Variants in NECAB2 observed in about 807,000 individuals in gnomAD.
NECAB2 encodes the protein N-terminal EF-hand calcium-binding protein 2.
Under a neutral mutation model 51.9 loss-of-function variants are expected in NECAB2, and 68 were observed. The ratio of observed to expected loss-of-function variants is 1.31; its 90% confidence interval spans 1.08 to 1.60. The LOEUF (loss-of-function observed/expected upper bound fraction) is 1.60. Ranked by LOEUF, NECAB2 falls within the 40% of genes most tolerant of loss-of-function variation. NECAB2 has a pLI of 0.00. For missense variants in NECAB2, 854 were observed against 490.3 expected, an observed-to-expected ratio of 1.74 and a Z score of -7.00; for synonymous variants, 329 against 203.5, an observed-to-expected ratio of 1.62 and a Z score of -5.25.
intron 1 of NECAB2, among the ~76,000 whole-genome samples, chr16:83,970,407 G>T (rs1182858699): frequency 1.3e-5 from 2 of 152,182 alleles, no homozygotes; most frequent in East Asian, 1.9e-4. Flanking sequence ...GGGCTGCGGG[G>T]TGCCCAGGCT....
chr16:83,968,333 G>A lies in NECAB2; in HGVS notation c.-316G>A, dbSNP rs1200191413. ...GAGCAGGCCCCAGGGGCGCCGCCCC[G>A]CCCCCAGGCCCCACATACCCCTCCC... On this transcript the variant is annotated 5_prime_UTR_variant, in exon 1 of 13. Transcript: ENST00000305202. Among the ~76,000 whole-genome samples the A allele has an allele frequency of 1.3e-5, 2 of 150,468 alleles. No individual in the cohort carries two copies. Among genetic ancestry groups the A allele is most frequent in the African/African-American group, 2.4e-5 (1 of 41,134 alleles).
chr16:83,980,805 C>CTCTG (rs1218043634), intron 3 of NECAB2, 34 bp from the exon 4 acceptor site: 1 of 1,559,298 alleles, frequency 6.4e-7, no homozygotes, highest in Admixed American at 1.9e-5. Context: ...CCCTCTCTGT[C>CTCTG]TCTGTCTGTC....
At position 83,997,215 on chromosome 16, in the gene NECAB2, G is replaced by C; in HGVS notation, c.796-1G>C. 1 of 1,614,132 alleles carries C rather than the reference G, an allele frequency of 6.2e-7. No homozygotes were observed. Among genetic ancestry groups the C allele is most frequent in the Non-Finnish European group, 8.5e-7 (1 of 1,180,020 alleles). On this transcript the variant is annotated splice_acceptor_variant, in intron 8 of 12. Transcript: ENST00000305202. LOFTEE classifies it high-confidence loss of function. The stretch of plus-strand genomic sequence containing the variant: ...CATCACTGTGTGCTGGATTGTTTCA[G>C]GCACTGTGGTTCGACCTGCAGCAGC...
At chr16:83,966,878 T>C (rs1365198564), upstream of NECAB2, among the ~76,000 whole-genome samples, 1 of 152,130 alleles carries the variant, frequency 6.6e-6, no homozygotes, top group East Asian at 1.9e-4. Flanking sequence ...GCAGTGCAGT[T>C]TTTTTTTCTT....
upstream of NECAB2, among the ~76,000 whole-genome samples, chr16:83,967,775 GTGGATGGA>G (rs2084302924): frequency 7.0e-6 from 1 of 143,366 alleles, no homozygotes; most frequent in Non-Finnish European, 1.5e-5. Context: ...TGGATGGAGG[GTGGATGGA>G]TGGATGCCAG....
intron 5 of NECAB2, among the ~76,000 whole-genome samples, chr16:83,982,332 T>A (rs1477208548): frequency 6.6e-6 from 1 of 152,176 alleles, no homozygotes; most frequent in Non-Finnish European, 1.5e-5. Context: ...CTGTTTTGAG[T>A]CTTGCTGTTT....
chr16:83,980,767 A>T (rs2084476669), intron 3 of NECAB2, 72 bp from the exon 4 acceptor site: 1 of 1,521,818 alleles, frequency 6.6e-7, no homozygotes, highest in African/African-American at 1.4e-5. Flanking sequence ...TGTGTTTCGC[A>T]GGCTGTGCAG....
In NECAB2 at chr16:83,995,419, C is replaced by T. The variant is rs574278642; in HGVS notation, c.795+731C>T. On this transcript the variant is annotated intron_variant, in intron 8 of 12. Transcript: ENST00000305202. ...AAATAACCTGGAGCATGGGACCCCT[C>T]CCTCATAGGGGTGTCGTTAGGATGA... Among the ~76,000 whole-genome samples the T allele has an allele frequency of 3.9e-5, 6 of 152,140 alleles. No individual in the cohort carries two copies. The East Asian group carries it at 7.7e-4, about 20-fold the overall frequency.
chr16:83,977,066 C>G (rs1243073319), intron 2 of NECAB2, among the ~76,000 whole-genome samples: 2 of 152,252 alleles, frequency 1.3e-5, no homozygotes, highest in Non-Finnish European at 2.9e-5. Context: ...TGCACTGACA[C>G]TGGTCTCATC....
At chr16:84,000,112 G>A (rs1223830818) in intron 10 of NECAB2, among the ~76,000 whole-genome samples, 3 of 151,574 alleles carry the variant, frequency 2.0e-5, no homozygotes, top group African/African-American at 7.3e-5. Context: ...GGCTGGTCTT[G>A]AACTCCTGAC....
chr16:83,973,974 C>A (rs1027134124), intron 2 of NECAB2, among the ~76,000 whole-genome samples: 1 of 151,988 alleles, frequency 6.6e-6, no homozygotes, highest in African/African-American at 2.4e-5. Flanking sequence ...GGTGCCTGGC[C>A]CCCTCGGGCA....
intron 8 of NECAB2, among the ~76,000 whole-genome samples, chr16:83,995,595 CTG>C (rs1491061959): frequency 6.6e-6 from 1 of 152,234 alleles, no homozygotes; most frequent in African/African-American, 2.4e-5. Context: ...GCCAAGGTAA[CTG>C]AGCTCTCAGA....
intron 2 of NECAB2, among the ~76,000 whole-genome samples, chr16:83,973,071 A>T (rs2084366512): frequency 1.3e-5 from 2 of 152,180 alleles, no homozygotes; most frequent in African/African-American, 4.8e-5. Flanking sequence ...GGTGTGGGTG[A>T]CAAATGTTTT....
rs112764705 is a variant in NECAB2, at chr16:83,998,399, T to A, written c.962+82T>A. 1.3e-3 allele frequency: 1,830 copies of A among 1,357,050 alleles called. 19 individuals carry two copies. In the African/African-American group the frequency reaches 0.023, roughly 17 times the overall value. The allele number at this position is 1,357,050 out of a possible 1,614,324, so 84.1% of individuals were successfully genotyped here. A position where few individuals can be genotyped will look rare whatever the true frequency, so the allele number is the denominator to read the frequency against. On this transcript the variant is annotated intron_variant, in intron 10 of 12. Transcript: ENST00000305202. ...GGAGGAACAGGGCAGGACTAGGCTT[T>A]GCCCTAAGTAGTACAAGTTGCACCC...
In NECAB2 at chr16:83,981,156, C is replaced by CCAGGGCTT. The variant is rs200270021; in HGVS notation, c.459+36_459+37insTCAGGGCT. ...AGTGGGTGTAGGTGGCCCCCGGGGT[C>CCAGGGCTT]CAGGGCTCCAGTGCTGCTTCAGTTC... On this transcript the variant is annotated intron_variant, in intron 5 of 12. Transcript: ENST00000305202. 2.0e-4 allele frequency: 321 copies of CCAGGGCTT among 1,576,338 alleles called. 2 individuals are homozygous for CCAGGGCTT. The African/African-American group carries it at 3.9e-3, about 19-fold the overall frequency.
rs2084858928 is a variant in NECAB2 at position 84,002,506 on chromosome 16, C to T, written c.*160C>T. 2 of 907,278 alleles carry T rather than the reference C, an allele frequency of 2.2e-6. No homozygotes were observed. The highest frequency in any genetic ancestry group is 2.1e-5 in the Admixed American group (1 of 47,282). The allele number at this position is 907,278 out of a possible 1,614,324, so 56.2% of individuals were successfully genotyped here. On this transcript the variant is annotated 3_prime_UTR_variant, in exon 13 of 13. Coordinates refer to ENST00000305202, the MANE Select transcript of NECAB2 (RefSeq NM_019065.3). ...TGTTAAGTGAAGGAGGCCGCCCCTG[C>T]CCCCACCTGAGAAGGCAGAGCAGTG...
At position 83,998,295 on chromosome 16, in the gene NECAB2, A is replaced by C. The variant is rs141781548; in HGVS notation, c.940A>C (p.Thr314Pro). The change falls in exon 10 of 13, where the codon ACT (threonine) becomes CCT (proline). Residue 314 changes from threonine (T) to proline (P), a missense_variant. Transcript: ENST00000305202. The stretch of plus-strand genomic sequence containing the variant: ...TCTGCGCCAGTATCTGCGGGGGACC[A>C]CTGGCGTGAGGAACTGCTTCCAGTG... The part of the protein sequence containing the change: ...DSLRQYLRGT[T>P]GVRNCFHITA... The C allele has an allele frequency of 8.1e-6, 13 of 1,613,432 alleles. No homozygotes were observed. The highest frequency in any genetic ancestry group is 1.0e-5 in the Non-Finnish European group (12 of 1,180,002).
intron 2 of NECAB2, 110 bp from the exon 3 acceptor site, chr16:83,978,334 G>C (rs527799762): frequency 7.6e-6 from 6 of 789,718 alleles, no homozygotes; most frequent in Admixed American, 6.8e-5. Context: ...CTGAGCTGCA[G>C]TTGTTCTGTC....
chr16:83,994,548 T>TC (rs1274705873), intron 7 of NECAB2, 61 bp from the exon 8 acceptor site: 14 of 1,606,390 alleles, frequency 8.7e-6, no homozygotes, highest in East Asian at 6.7e-5. Flanking sequence ...GTTTCCAGCT[T>TC]CCCCCCGAAG....
Sources: gnomAD v4.1 joint callset for allele counts (sites outside exome capture counted in the v4.1 genomes callset) on GRCh38, gnomAD v4.1.1 for gene constraint, MANE v1.5 for transcripts, NCBI Gene and HGNC (gene_info 2026-07-23, HGNC 2026-07-21) for gene names.